Variants in RAB35 observed in about 807,000 individuals in gnomAD.
RAB35 encodes the protein RAB35, member RAS oncogene family, also known as ras-related protein Rab-35.
RAB35 carries 4 observed loss-of-function variants against 28.9 expected under a neutral mutation model. The ratio of observed to expected loss-of-function variants is 0.14; its 90% confidence interval spans 0.07 to 0.32. The LOEUF (loss-of-function observed/expected upper bound fraction) is 0.32, where lower values mean the gene tolerates loss of function less well. RAB35 is among the 10% of genes least tolerant of loss of function. The pLI is 1.00. For synonymous variants in RAB35, 99 were observed against 105.1 expected (o/e 0.94, Z 0.35); for missense variants, 128 against 274.0 (o/e 0.47, Z 3.76).
At chr12:120,114,503 C>A (rs1187441297) in intron 1 of RAB35, among the ~76,000 whole-genome samples, 1 of 152,216 alleles carries the variant, frequency 6.6e-6, no homozygotes, top group Non-Finnish European at 1.5e-5. Flanking sequence ...GAGCCCAGTT[C>A]AGGGGAGTGT....
rs950751350 is a variant in RAB35 at position 120,098,879 on chromosome 12, T to C, written c.409A>G (p.Lys137Glu). 1 of 1,614,240 alleles carries C rather than the reference T, an allele frequency of 6.2e-7. No individual in the cohort carries two copies. The highest frequency in any genetic ancestry group is 8.5e-7 in the Non-Finnish European group (1 of 1,180,040). ...TGGATGCCCATCTGCCCGGCGAATT[T>C]GTAGGCATCTTCCGTCTCCACCACC... ...RKVVETEDAY[K>E]FAGQMGIQLF... Residue 137 changes from lysine (K) to glutamate (E), a missense_variant, in exon 5 of 6, where the codon AAA (lysine) becomes GAA (glutamate). Lys to Glu is a moderately conservative substitution (Grantham distance 56). Transcript: ENST00000229340.
Position 120,116,683 on chromosome 12 carries a change from G to A in RAB35, c.-33C>T, listed in dbSNP as rs1054734056. On this transcript the variant is annotated 5_prime_UTR_variant, in exon 1 of 6. Coordinates refer to ENST00000229340, the MANE Select transcript of RAB35 (RefSeq NM_006861.7). ...GGGGGCGGTGCGCGCGGGCGGGCGG[G>A]GTCGGTACTGGCCTCGCGATCCGCA... 8.2e-7 allele frequency: 1 copy of A among 1,222,986 alleles called. No individual in the cohort carries two copies. 75.8% of individuals were successfully genotyped at this position (1,222,986 alleles called of 1,614,324 possible).
intron 3 of RAB35, among the ~76,000 whole-genome samples, chr12:120,102,217 G>T (rs948433016): frequency 1.3e-5 from 2 of 152,192 alleles, no homozygotes; most frequent in African/African-American, 4.8e-5. Flanking sequence ...ATAGTCACAG[G>T]TCTCTCTACC....
Position 120,095,406 on chromosome 12 carries a change from T to A in RAB35, c.*1839A>T, listed in dbSNP as rs1367241459. 3 of 137,760 alleles carry A rather than the reference T, an allele frequency of 2.2e-5. No homozygotes were observed. Among genetic ancestry groups the A allele is most frequent in the African/African-American group, 8.3e-5 (3 of 36,092 alleles). 8.5% of individuals were successfully genotyped at this position (137,760 alleles called of 1,614,324 possible). A position where few individuals can be genotyped will look rare whatever the true frequency, so the allele number is the denominator to read the frequency against. On this transcript the variant is annotated 3_prime_UTR_variant, in exon 6 of 6. Coordinates refer to ENST00000229340, the MANE Select transcript of RAB35 (RefSeq NM_006861.7). ...GGCTGGAAGCCCCCAGGAACCCCCC[T>A]CTTATTGCTTGAATTTGCAAGCACA...
intron 1 of RAB35, among the ~76,000 whole-genome samples, chr12:120,114,087 C>G (rs1876233733): frequency 6.6e-6 from 1 of 152,170 alleles, no homozygotes; most frequent in African/African-American, 2.4e-5. Context: ...GTCACCTCCT[C>G]TGAGCCTCAG....
rs1247804010 is a variant in RAB35, at chr12:120,097,279, G to A, written c.572C>T (p.Thr191Met). The change falls in exon 6 of 6, where the codon ACG becomes ATG. Residue 191 changes from threonine to methionine, a missense_variant. By Grantham distance (81) the Thr-to-Met change is moderately conservative (BLOSUM62 -1). Coordinates refer to ENST00000229340, the MANE Select transcript of RAB35 (RefSeq NM_006861.7). ...GCGTTTCTTTCGTTTACTGTTCTTC[G>A]TGAGCTTCACCACATCGTTCTGTTG... is the stretch of plus-strand genomic sequence containing the variant. ...QQQQNDVVKLTKNSKRKKRCC is the reference protein window; with the variant it reads ...QQQQNDVVKLMKNSKRKKRCC The A allele has an allele frequency of 4.3e-5, 70 of 1,613,904 alleles. No homozygotes were observed. Among genetic ancestry groups the A allele is most frequent in the East Asian group, 6.7e-5 (3 of 44,896 alleles).
intron 1 of RAB35, among the ~76,000 whole-genome samples, chr12:120,110,037 G>A (rs1208745395): frequency 6.6e-6 from 1 of 152,168 alleles, no homozygotes; most frequent in Non-Finnish European, 1.5e-5. Context: ...GCCGGCCTAA[G>A]TGCCTCTGTG....
Position 120,096,707 on chromosome 12 carries a change from G to T in RAB35, c.*538C>A, listed in dbSNP as rs1202778043. ...GGAGCTGGCACAGGCCCCGGAGAAG[G>T]GGCAAGACCCTGTGCAGCGGGGACA... On this transcript the variant is annotated 3_prime_UTR_variant, in exon 6 of 6. Coordinates refer to ENST00000229340, the MANE Select transcript of RAB35 (RefSeq NM_006861.7). 2.3e-6 allele frequency: 3 copies of T among 1,289,914 alleles called. No individual in the cohort carries two copies. The highest frequency in any genetic ancestry group is 4.6e-5 in the Admixed American group (2 of 43,580). The allele number at this position is 1,289,914 out of a possible 1,614,324, so 79.9% of individuals were successfully genotyped here.
In RAB35 at chr12:120,096,788, G is replaced by A. The variant is rs761294565; in HGVS notation, c.*457C>T. The A allele has an allele frequency of 6.0e-5, 78 of 1,290,782 alleles. No individual in the cohort carries two copies. The highest frequency in any genetic ancestry group is 7.4e-5 in the South Asian group (6 of 81,054). 80.0% of individuals were successfully genotyped at this position (1,290,782 alleles called of 1,614,324 possible). On this transcript the variant is annotated 3_prime_UTR_variant, in exon 6 of 6. Transcript: ENST00000229340. ...AACGCGGAGCCCACTCCACTGGCACGGGCTGGCCGCAGACGCAGCTAGAAC... is the reference window on the plus strand; with the variant it reads ...AACGCGGAGCCCACTCCACTGGCACAGGCTGGCCGCAGACGCAGCTAGAAC...
rs549602104 is a variant in RAB35, at chr12:120,103,014, C to T, written c.227+812G>A. Among the ~76,000 whole-genome samples, 2 of 152,328 alleles carry T rather than the reference C, an allele frequency of 1.3e-5. No homozygotes were observed. Among genetic ancestry groups the T allele is most frequent in the Admixed American group, 6.5e-5 (1 of 15,298 alleles). ...GCCAGACACCACACCCCGGCACGCA[C>T]GTTGACGCCTGCAGCAGAGCACCTG... is the stretch of plus-strand genomic sequence containing the variant. On this transcript the variant is annotated intron_variant, in intron 3 of 5. Coordinates refer to ENST00000229340, the MANE Select transcript of RAB35 (RefSeq NM_006861.7). This position sits in a 1 kb window ranked among gnomAD's most constrained non-coding sequence, Gnocchi z 6.1.
rs138216244 is a variant in RAB35 at position 120,096,699 on chromosome 12, C to T, written c.*546G>A. On this transcript the variant is annotated 3_prime_UTR_variant, in exon 6 of 6. Coordinates refer to ENST00000229340, the MANE Select transcript of RAB35 (RefSeq NM_006861.7). The stretch of plus-strand genomic sequence containing the variant: ...GAGGGAAGGGAGCTGGCACAGGCCC[C>T]GGAGAAGGGGCAAGACCCTGTGCAG... 37,189 of 1,289,822 alleles carry T rather than the reference C, an allele frequency of 0.029. 642 individuals carry two copies. The highest frequency in any genetic ancestry group is 0.049 in the Middle Eastern group (231 of 4,696). The allele number at this position is 1,289,822 out of a possible 1,614,324, so 79.9% of individuals were successfully genotyped here. A position where few individuals can be genotyped will look rare whatever the true frequency, so the allele number is the denominator to read the frequency against.
At chr12:120,110,290 A>ATTTTTTTTTTTTTTTTTTTTTTT (rs3999541) in intron 1 of RAB35, among the ~76,000 whole-genome samples, 1,702 of 88,354 alleles carry the variant, frequency 0.019, 266 homozygotes, top group African/African-American at 0.031. Context: ...AGCCCACAGC[A>ATTTTTTTTTTTTTTTTTTTTTTT]TTTTTTTTTT....
In RAB35 at chr12:120,103,498, A is replaced by G. The variant is rs992312966; in HGVS notation, c.227+328T>C. On this transcript the variant is annotated intron_variant, in intron 3 of 5. Transcript: ENST00000229340. The surrounding 1 kb of genome is among the most constrained non-coding windows in gnomAD (Gnocchi z 6.1). ...TGGGCAAGGCACTTCGCAACCCCCT[A>G]GCGAGGCAAATGCTATTCTGCTCTC... Among the ~76,000 whole-genome samples the G allele has an allele frequency of 1.3e-5, 2 of 152,218 alleles. No homozygotes were observed. The highest frequency in any genetic ancestry group is 4.8e-5 in the African/African-American group (2 of 41,440).
At chr12:120,107,957 G>A (rs1289991748) in intron 2 of RAB35, among the ~76,000 whole-genome samples, 3 of 150,542 alleles carry the variant, frequency 2.0e-5, no homozygotes, top group Admixed American at 1.3e-4. Context: ...AGTCAGGCAC[G>A]ATGTAACAGC....
Position 120,103,893 on chromosome 12 carries a change from C to G in RAB35, c.160G>C (p.Gly54Arg), listed in dbSNP as rs984926660. The G allele has an allele frequency of 6.2e-7, 1 of 1,614,156 alleles. No individual in the cohort carries two copies. Among genetic ancestry groups the G allele is most frequent in the Non-Finnish European group, 8.5e-7 (1 of 1,180,018 alleles). Reference sequence around the variant, plus strand: ...CAGATCTGCAGCTTCACCTTCTCCCCGTTGATCTCCACGGTCCGGATCTTG... The same window carrying G: ...CAGATCTGCAGCTTCACCTTCTCCCGGTTGATCTCCACGGTCCGGATCTTG... Reference protein sequence around the residue: ...DFKIRTVEINGEKVKLQIWDT... With the variant: ...DFKIRTVEINREKVKLQIWDT... The change falls in exon 3 of 6, where the codon GGG becomes CGG. Residue 54 changes from glycine to arginine, a missense_variant. Transcript: ENST00000229340. The surrounding 1 kb of genome is among the most constrained non-coding windows in gnomAD (Gnocchi z 6.1).
Position 120,097,175 on chromosome 12 carries a change from C to G in RAB35, c.*70G>C, listed in dbSNP as rs756879761. On this transcript the variant is annotated 3_prime_UTR_variant, in exon 6 of 6. Coordinates refer to ENST00000229340, the MANE Select transcript of RAB35 (RefSeq NM_006861.7). ...ACGGCACGAAACTGAGACTGTCCCCCGAGGAACCTCCGTGGGCCTCGGGCT... is the reference window on the plus strand; with the variant it reads ...ACGGCACGAAACTGAGACTGTCCCCGGAGGAACCTCCGTGGGCCTCGGGCT... The G allele has an allele frequency of 6.2e-7, 1 of 1,612,974 alleles. No individual in the cohort carries two copies. Among genetic ancestry groups the G allele is most frequent in the Non-Finnish European group, 8.5e-7 (1 of 1,179,650 alleles).
In RAB35 at chr12:120,097,183, C is replaced by T. The variant is rs1179108992; in HGVS notation, c.*62G>A. 1 of 1,613,730 alleles carries T rather than the reference C, an allele frequency of 6.2e-7. No individual in the cohort carries two copies. The highest frequency in any genetic ancestry group is 8.5e-7 in the Non-Finnish European group (1 of 1,179,830). On this transcript the variant is annotated 3_prime_UTR_variant, in exon 6 of 6. Coordinates refer to ENST00000229340, the MANE Select transcript of RAB35 (RefSeq NM_006861.7). ...AAACTGAGACTGTCCCCCGAGGAAC[C>T]TCCGTGGGCCTCGGGCTGGGGGAGG...
In RAB35 at chr12:120,099,128, A is replaced by G. The variant is rs1239539083; in HGVS notation, c.254T>C (p.Ile85Thr). 6.2e-7 allele frequency: 1 copy of G among 1,614,232 alleles called. No individual in the cohort carries two copies. The highest frequency in any genetic ancestry group is 1.1e-5 in the South Asian group (1 of 91,090). The stretch of plus-strand genomic sequence containing the variant: ...GGCACTGGTGACGTCGTAAACCACA[A>G]TGACCCCGTGGGTCCCCCGATAATA... ...STYYRGTHGV[I>T]VVYDVTSAES... is the part of the protein sequence containing the mutation. Residue 85 changes from isoleucine (I) to threonine (T), a missense_variant, in exon 4 of 6, where the codon ATT becomes ACT. Ile to Thr is a moderately conservative substitution (Grantham distance 89). Coordinates refer to ENST00000229340, the MANE Select transcript of RAB35 (RefSeq NM_006861.7).
At chr12:120,105,730 T>A (rs1875843896) in intron 2 of RAB35, among the ~76,000 whole-genome samples, 1 of 151,966 alleles carries the variant, frequency 6.6e-6, no homozygotes, top group Non-Finnish European at 1.5e-5. Flanking sequence ...AAGACCATCC[T>A]GGCTCACATG....
Sources: gnomAD v4.1 joint callset for allele counts (sites outside exome capture counted in the v4.1 genomes callset) on GRCh38, gnomAD v4.1.1 for gene constraint, Gnocchi (gnomAD v3.1) non-coding constraint, MANE v1.5 for transcripts, NCBI Gene and HGNC (gene_info 2026-07-23, HGNC 2026-07-21) for gene names.